PARD3: variants seen among roughly 807,000 people sequenced by gnomAD.
The protein encoded by PARD3 is par-3 family cell polarity regulator.
PARD3 carries 75 observed loss-of-function variants against 155.4 expected under a neutral mutation model. That is an observed-to-expected ratio of 0.48 (90% CI 0.40 to 0.58). The LOEUF is 0.58. PARD3 is among the 20% of genes least tolerant of loss of function. The pLI, the probability that PARD3 is intolerant of heterozygous loss-of-function variation, is 0.00. For synonymous variants in PARD3, 576 were observed against 610.5 expected (o/e 0.94, Z 0.83); for missense variants, 1,642 against 1,721.7 (o/e 0.95, Z 0.82).
intron 2 of PARD3, among the ~76,000 whole-genome samples, chr10:34,665,741 A>C (rs899054725): frequency 6.6e-6 from 1 of 151,024 alleles, no homozygotes; most frequent in Non-Finnish European, 1.5e-5. Flanking sequence ...AGGAGGCTGA[A>C]GCAGAAGAAT....
chr10:34,209,034 T>C (rs1185647545), intron 22 of PARD3, among the ~76,000 whole-genome samples: 2 of 152,194 alleles, frequency 1.3e-5, no homozygotes, highest in African/African-American at 4.8e-5. Context: ...ACCATTTTCA[T>C]GCAAACTAAA....
At chr10:34,701,577 C>G (rs890174007) in intron 1 of PARD3, among the ~76,000 whole-genome samples, 1 of 152,182 alleles carries the variant, frequency 6.6e-6, no homozygotes, top group East Asian at 1.9e-4. Context: ...TGGGGAGAAC[C>G]AAGAATGTCA....
At chr10:34,809,330 T>C (rs1023367017) in intron 1 of PARD3, among the ~76,000 whole-genome samples, 3 of 152,012 alleles carry the variant, frequency 2.0e-5, no homozygotes, top group Non-Finnish European at 4.4e-5. Context: ...CAGCCACCGC[T>C]TCAAGCATTT....
intron 1 of PARD3, among the ~76,000 whole-genome samples, chr10:34,726,740 G>A (rs1442642144): frequency 6.6e-6 from 1 of 151,740 alleles, no homozygotes; most frequent in Non-Finnish European, 1.5e-5. Flanking sequence ...TCCAGTCTGG[G>A]CGGCAAGAGT....
chr10:34,208,713 G>A (rs975501929), intron 22 of PARD3, among the ~76,000 whole-genome samples: 8 of 152,184 alleles, frequency 5.3e-5, no homozygotes, highest in Admixed American at 2.0e-4. Context: ...GTACCACCCA[G>A]CTATCAGTCT....
chr10:34,260,028 C>T (rs777796194), intron 22 of PARD3, among the ~76,000 whole-genome samples: 5 of 152,090 alleles, frequency 3.3e-5, no homozygotes, highest in South Asian at 2.1e-4. Flanking sequence ...TTTGTAGAGA[C>T]GGGGTCTCAC....
At chr10:34,648,328 A>C (rs761258251) in intron 2 of PARD3, among the ~76,000 whole-genome samples, 21 of 152,228 alleles carry the variant, frequency 1.4e-4, no homozygotes, top group Non-Finnish European at 2.8e-4. Context: ...ATTTCATCTT[A>C]AAACCAATGC....
At chr10:34,492,779 C>T (rs559640016) in intron 3 of PARD3, among the ~76,000 whole-genome samples, 16 of 152,188 alleles carry the variant, frequency 1.1e-4, no homozygotes, top group Non-Finnish European at 2.2e-4. Flanking sequence ...GTGAAATCAT[C>T]TGTATTTTCT....
chr10:34,541,704 AAAC>A (rs1256589067), intron 2 of PARD3, among the ~76,000 whole-genome samples: 1 of 152,210 alleles, frequency 6.6e-6, no homozygotes, highest in Non-Finnish European at 1.5e-5. Flanking sequence ...CATCCAAGGA[AAAC>A]AACATTTATT....
chr10:34,378,144 G>C, intron 9 of PARD3, 38 bp from the exon 10 acceptor site: 1 of 1,513,002 alleles, frequency 6.6e-7, no homozygotes, highest in South Asian at 1.3e-5. Context: ...AATAAAATGA[G>C]ATATCTTGAA....
chr10:34,555,536 A>G (rs937351373), intron 2 of PARD3, among the ~76,000 whole-genome samples: 1 of 152,250 alleles, frequency 6.6e-6, no homozygotes, highest in African/African-American at 2.4e-5. Context: ...GGATCACAGA[A>G]TAAGTAATAC....
At chr10:34,788,122 A>G (rs1282610967) in intron 1 of PARD3, among the ~76,000 whole-genome samples, 3 of 152,120 alleles carry the variant, frequency 2.0e-5, no homozygotes, top group Admixed American at 6.5e-5. Context: ...GGACAGGCTC[A>G]TGCAAGGGTC....
intron 1 of PARD3, among the ~76,000 whole-genome samples, chr10:34,703,463 A>G (rs945980882): frequency 1.7e-4 from 5 of 28,806 alleles, no homozygotes; most frequent in Admixed American, 1.0e-3. Flanking sequence ...GAAGTTGGAA[A>G]AAAAAAAAAG....
At chr10:34,230,981 G>A (rs538859229) in intron 22 of PARD3, among the ~76,000 whole-genome samples, 2 of 151,980 alleles carry the variant, frequency 1.3e-5, no homozygotes, top group South Asian at 2.1e-4. Context: ...AGCTATAATC[G>A]CACCACTAGC....
chr10:34,237,527 T>G (rs963265270), intron 22 of PARD3, among the ~76,000 whole-genome samples: 1 of 152,170 alleles, frequency 6.6e-6, no homozygotes, highest in African/African-American at 2.4e-5. Flanking sequence ...CAAGTTTAAT[T>G]AAGGATGGGG....
At chr10:34,311,551 G>A (rs537023378) in intron 20 of PARD3, among the ~76,000 whole-genome samples, 6 of 152,286 alleles carry the variant, frequency 3.9e-5, no homozygotes, top group Admixed American at 3.9e-4. Flanking sequence ...CACTAGCATT[G>A]GATCTGTGAT....
chr10:34,543,481 T>TA (rs2083804300), intron 2 of PARD3, among the ~76,000 whole-genome samples: 1 of 152,192 alleles, frequency 6.6e-6, no homozygotes, highest in Non-Finnish European at 1.5e-5. Context: ...AAACGCAACT[T>TA]AAAGTTCTTG....
intron 5 of PARD3, among the ~76,000 whole-genome samples, chr10:34,444,035 T>C (rs2076608298): frequency 6.6e-6 from 1 of 152,124 alleles, no homozygotes; most frequent in South Asian, 2.1e-4. Flanking sequence ...TTGTATAATC[T>C]CCAATTAAAA....
intron 7 of PARD3, among the ~76,000 whole-genome samples, chr10:34,392,959 A>C (rs1842978241): frequency 6.6e-6 from 1 of 152,124 alleles, no homozygotes; most frequent in African/African-American, 2.4e-5. Context: ...GAGTCAATTC[A>C]GCCAGCAATA....
Sources: allele counts gnomAD v4.1 joint callset (sites outside exome capture counted in the v4.1 genomes callset), GRCh38; gene constraint gnomAD v4.1.1; transcripts MANE v1.5; gene names NCBI Gene and HGNC (gene_info 2026-07-23, HGNC 2026-07-21).